KDM7A: variants seen among roughly 807,000 people sequenced by gnomAD.
KDM7A encodes the protein lysine demethylase 7A.
KDM7A carries 28 observed loss-of-function variants against 114.8 expected under a neutral mutation model. That is an observed-to-expected ratio of 0.24 (90% CI 0.18 to 0.33). The LOEUF (loss-of-function observed/expected upper bound fraction) is 0.33. Among genes scored for constraint, KDM7A ranks in the 10% least tolerant of loss-of-function variants. The probability of loss-of-function intolerance (pLI) is 1.00; values close to 1 mark genes in which losing one functional copy is unlikely to be tolerated. For synonymous variants in KDM7A, 423 were observed against 397.8 expected, an observed-to-expected ratio of 1.06 and a Z score of -0.75; for missense variants, 942 against 1,142.5, an observed-to-expected ratio of 0.82 and a Z score of 2.53.
chr7:140,119,023 A>G (rs989653330), intron 9 of KDM7A, 90 bp downstream of exon 9: 3 of 721,484 alleles, frequency 4.2e-6, no homozygotes, highest in Non-Finnish European at 7.1e-6. Context: ...ATACACTACT[A>G]GAAAAGGGAC....
chr7:140,126,828 C>CA lies in KDM7A; in HGVS notation c.702-6dup, dbSNP rs1818712070. 2.5e-6 allele frequency: 4 copies of CA among 1,606,282 alleles called. No homozygotes were observed. Among genetic ancestry groups the CA allele is most frequent in the Non-Finnish European group, 3.4e-6 (4 of 1,175,928 alleles). On this transcript the variant is annotated splice_polypyrimidine_tract_variant and splice_region_variant and intron_variant, in intron 5 of 19. Transcript: ENST00000397560. Reference sequence around the variant, plus strand: ...ACCTCCACCAATTCAGACATCCTTTCAAAAAACAAACATACACACACACCC... The same window carrying CA: ...ACCTCCACCAATTCAGACATCCTTTCAAAAAAACAAACATACACACACACCC...
intron 1 of KDM7A, among the ~76,000 whole-genome samples, chr7:140,158,001 T>TA (rs1358984881): frequency 9.3e-4 from 126 of 135,498 alleles, no homozygotes; most frequent in Non-Finnish European, 1.6e-3. Flanking sequence ...TAAATAATAA[T>TA]AATAATAATA....
intron 2 of KDM7A, among the ~76,000 whole-genome samples, chr7:140,135,633 A>G (rs17191812): frequency 0.22 from 33,410 of 152,148 alleles, 4,355 homozygotes; most frequent in Middle Eastern, 0.3. Flanking sequence ...ATACCATATT[A>G]TAATCATTTT....
intron 11 of KDM7A, among the ~76,000 whole-genome samples, chr7:140,108,477 T>C (rs1818379321): frequency 6.6e-6 from 1 of 152,170 alleles, no homozygotes; most frequent in African/African-American, 2.4e-5. Flanking sequence ...GGATGTCCTT[T>C]CTGTTTGTTT....
At chr7:140,091,654 C>T in intron 19 of KDM7A, 150 bp downstream of exon 19, 1 of 844,866 alleles carries the variant, frequency 1.2e-6, no homozygotes, top group Admixed American at 2.5e-5. Flanking sequence ...TTCTTTGTTC[C>T]TGTAGTAGCC....
chr7:140,109,427 A>T (rs1818397101), intron 11 of KDM7A, among the ~76,000 whole-genome samples: 2 of 152,202 alleles, frequency 1.3e-5, no homozygotes, highest in Non-Finnish European at 2.9e-5. Flanking sequence ...TTCTTTTATA[A>T]GGCTGAGTAG....
At chr7:140,148,848 T>C (rs557163812) in intron 1 of KDM7A, among the ~76,000 whole-genome samples, 1 of 152,206 alleles carries the variant, frequency 6.6e-6, no homozygotes, top group African/African-American at 2.4e-5. Flanking sequence ...GGTTTCTTCA[T>C]AAATTGAATA....
intron 11 of KDM7A, among the ~76,000 whole-genome samples, chr7:140,108,709 C>T (rs895091917): frequency 1.3e-5 from 2 of 152,158 alleles, no homozygotes; most frequent in Non-Finnish European, 2.9e-5. Context: ...TTTAGGCTAC[C>T]CAGGGGTCAG....
chr7:140,136,814 C>T (rs1053228158), intron 2 of KDM7A, among the ~76,000 whole-genome samples: 1 of 152,038 alleles, frequency 6.6e-6, no homozygotes, highest in Non-Finnish European at 1.5e-5. Flanking sequence ...TGGTGAAACT[C>T]TGTCTCTACT....
chr7:140,137,663 C>T (rs919902521), intron 2 of KDM7A, among the ~76,000 whole-genome samples: 4 of 152,236 alleles, frequency 2.6e-5, no homozygotes, highest in African/African-American at 7.2e-5. Flanking sequence ...AATTTTTATG[C>T]TGTATACTTA....
At chr7:140,112,086 T>C (rs1018537961) in intron 10 of KDM7A, among the ~76,000 whole-genome samples, 2 of 152,266 alleles carry the variant, frequency 1.3e-5, no homozygotes, top group East Asian at 1.9e-4. Flanking sequence ...TAAACAGTTT[T>C]AAATTTGCTT....
In KDM7A at chr7:140,088,573, G is replaced by A. The variant is rs1817971065; in HGVS notation, c.*2521C>T. 1 of 398,036 alleles carries A rather than the reference G, an allele frequency of 2.5e-6. No individual in the cohort carries two copies. The highest frequency in any genetic ancestry group is 4.4e-6 in the Non-Finnish European group (1 of 225,732). 24.7% of individuals were successfully genotyped at this position (398,036 alleles called of 1,614,324 possible). A position where few individuals can be genotyped will look rare whatever the true frequency, so the allele number is the denominator to read the frequency against. ...GTTCAGCCATTTCCATGAGATAAAG[G>A]GATGCATTATGGCCAGTAATGTTAT... On this transcript the variant is annotated 3_prime_UTR_variant, in exon 20 of 20. Coordinates refer to ENST00000397560, the MANE Select transcript of KDM7A (RefSeq NM_030647.2).
chr7:140,134,944 A>G (rs768182947), intron 2 of KDM7A, among the ~76,000 whole-genome samples: 10 of 152,024 alleles, frequency 6.6e-5, no homozygotes, highest in Non-Finnish European at 1.5e-4. Flanking sequence ...AGAGGTGGAA[A>G]TCAGGCTTAT....
At chr7:140,172,580 G>A (rs1320929589) in intron 1 of KDM7A, among the ~76,000 whole-genome samples, 1 of 152,090 alleles carries the variant, frequency 6.6e-6, no homozygotes, top group South Asian at 2.1e-4. Context: ...GAGAACCCAG[G>A]AGGCGGAGCT....
intron 11 of KDM7A, among the ~76,000 whole-genome samples, chr7:140,109,485 G>A (rs1369335673): frequency 6.6e-6 from 1 of 152,168 alleles, no homozygotes; most frequent in Non-Finnish European, 1.5e-5. Context: ...ACCTGCTGAT[G>A]GACACCTGGG....
chr7:140,127,379 C>G (rs1818723096), intron 5 of KDM7A, 63 bp downstream of exon 5: 1 of 1,365,880 alleles, frequency 7.3e-7, no homozygotes, highest in Non-Finnish European at 1.0e-6. Flanking sequence ...AAAATAAATA[C>G]ATCATTACAC....
chr7:140,097,479 A>C (rs1818133742), intron 15 of KDM7A, 66 bp downstream of exon 15: 1 of 861,810 alleles, frequency 1.2e-6, no homozygotes. Flanking sequence ...CCTTGCTTCC[A>C]GGAGAAGTTA....
Position 140,111,089 on chromosome 7 carries a change from T to C in KDM7A, c.1428+6A>G. The C allele has an allele frequency of 6.6e-7, 1 of 1,507,772 alleles. No homozygotes were observed. Among genetic ancestry groups the C allele is most frequent in the African/African-American group, 1.4e-5 (1 of 72,922 alleles). The allele number at this position is 1,507,772 out of a possible 1,614,324, so 93.4% of individuals were successfully genotyped here. A position where few individuals can be genotyped will look rare whatever the true frequency, so the allele number is the denominator to read the frequency against. On this transcript the variant is annotated splice_donor_region_variant and intron_variant, in intron 11 of 19. Transcript: ENST00000397560. ...CAAGCATTTACATGACAGTTTCCAC[T>C]CTTACCTCTATTGCTCGAATTACTT...
intron 1 of KDM7A, among the ~76,000 whole-genome samples, chr7:140,163,938 T>C (rs1169501003): frequency 1.3e-5 from 2 of 152,160 alleles, no homozygotes; most frequent in African/African-American, 4.8e-5. Context: ...AGTTATAACA[T>C]TTTATAATTA....
Sources: allele counts gnomAD v4.1 joint callset (sites outside exome capture counted in the v4.1 genomes callset), GRCh38; gene constraint gnomAD v4.1.1; transcripts MANE v1.5; gene names NCBI Gene and HGNC (gene_info 2026-07-23, HGNC 2026-07-21).